LUC7L3: variants seen among roughly 807,000 people sequenced by gnomAD.
LUC7L3 encodes the protein LUC7 like 3 pre-mRNA splicing factor.
A neutral mutation model predicts 66.8 loss-of-function variants in LUC7L3; 6 were observed. The ratio of observed to expected loss-of-function variants is 0.09; its 90% CI spans 0.05 to 0.18. LUC7L3 has a LOEUF of 0.18. Among genes scored for constraint, LUC7L3 ranks in the 10% least tolerant of loss-of-function variants. The probability of loss-of-function intolerance (pLI) is 1.00; values close to 1 mark genes in which losing one functional copy is unlikely to be tolerated. For synonymous variants in LUC7L3, 160 were observed against 174.7 expected, an observed-to-expected ratio of 0.92 and a Z score of 0.66; for missense variants, 341 against 531.1, an observed-to-expected ratio of 0.64 and a Z score of 3.52.
intron 1 of LUC7L3, among the ~76,000 whole-genome samples, chr17:50,734,290 C>T (rs548361784): frequency 2.6e-5 from 4 of 152,148 alleles, no homozygotes; most frequent in Admixed American, 1.3e-4. Flanking sequence ...GCCTCAGCCT[C>T]CCGAGTAGTT....
intron 9 of LUC7L3, 143 bp from the exon 10 acceptor site, chr17:50,750,358 C>A: frequency 1.3e-6 from 1 of 750,450 alleles, no homozygotes; most frequent in Non-Finnish European, 2.2e-6. Context: ...AATTTTATCC[C>A]TTTGGTAAAT....
At chr17:50,746,988 T>C (rs1337552522) in intron 9 of LUC7L3, among the ~76,000 whole-genome samples, 3 of 152,182 alleles carry the variant, frequency 2.0e-5, no homozygotes, top group African/African-American at 7.2e-5. Flanking sequence ...TTCGGGGTTA[T>C]TAGGTGTAGG....
intron 5 of LUC7L3, 78 bp from the exon 6 acceptor site, chr17:50,743,628 C>G (rs564792414): frequency 4.5e-6 from 4 of 886,318 alleles, no homozygotes; most frequent in Admixed American, 4.5e-5. Flanking sequence ...AAAACAACCA[C>G]TAATGAACCA....
At chr17:50,742,562 C>T (rs1349181037) in intron 5 of LUC7L3, among the ~76,000 whole-genome samples, 2 of 152,094 alleles carry the variant, frequency 1.3e-5, no homozygotes, top group African/African-American at 4.8e-5. Flanking sequence ...TTTCACCGTG[C>T]TGGCCAAGCT....
intron 5 of LUC7L3, 85 bp from the exon 6 acceptor site, chr17:50,743,621 A>G: frequency 2.5e-6 from 2 of 806,378 alleles, no homozygotes. Flanking sequence ...AAGATGGAAA[A>G]CAACCACTAA....
At chr17:50,741,844 G>T in intron 5 of LUC7L3, 113 bp downstream of exon 5, 1 of 733,914 alleles carries the variant, frequency 1.4e-6, no homozygotes, top group South Asian at 1.9e-5. Context: ...CAGCACTTTG[G>T]GAGGCCGAGG....
chr17:50,729,896 T>TTTTATATATATA (rs1353844154), intron 1 of LUC7L3, among the ~76,000 whole-genome samples: 8 of 65,586 alleles, frequency 1.2e-4, no homozygotes, highest in African/African-American at 2.5e-4. Flanking sequence ...TATAAATACA[T>TTTTATATATATA]TATATATATA....
chr17:50,749,002 G>C (rs934079152), intron 9 of LUC7L3, among the ~76,000 whole-genome samples: 17 of 152,104 alleles, frequency 1.1e-4, no homozygotes, highest in African/African-American at 3.9e-4. Context: ...TTTATTAATG[G>C]CAAATGAGAA....
intron 1 of LUC7L3, chr17:50,724,242 G>A (rs1289710500): frequency 1.1e-5 from 2 of 186,394 alleles, no homozygotes; most frequent in Non-Finnish European, 1.1e-5. Flanking sequence ...AAACATAGCC[G>A]ACCGGGCATG....
chr17:50,738,437 G>C (rs974133707), intron 2 of LUC7L3, among the ~76,000 whole-genome samples: 2 of 152,162 alleles, frequency 1.3e-5, no homozygotes, highest in African/African-American at 4.8e-5. Context: ...AGTGGAATTG[G>C]AGATAATGGG....
At chr17:50,725,934 TTAAC>T (rs1330771557) in intron 1 of LUC7L3, among the ~76,000 whole-genome samples, 2 of 152,158 alleles carry the variant, frequency 1.3e-5, no homozygotes, top group African/African-American at 4.8e-5. Context: ...CTGCATAAAA[TTAAC>T]TATAGTACAT....
At chr17:50,723,890 C>T (rs1167455718) in intron 1 of LUC7L3, 2 of 440,406 alleles carry the variant, frequency 4.5e-6, no homozygotes, top group East Asian at 7.5e-5. Context: ...CCGCCTCAGT[C>T]TCCCAAAGTG....
rs1055197061 is a variant in LUC7L3 at position 50,751,530 on chromosome 17, AT to A, written c.*877del. 5 of 1,177,544 alleles carry A rather than the reference AT, an allele frequency of 4.2e-6. No individual in the cohort carries two copies. In the South Asian group the frequency reaches 4.8e-5, roughly 11 times the overall value. The allele number at this position is 1,177,544 out of a possible 1,614,324, so 72.9% of individuals were successfully genotyped here. ...ATAAAACAAATGTTAACAGAATGGA[AT>A]TTTTTTTCAACTGTATGTAGGGCTG... On this transcript the variant is annotated 3_prime_UTR_variant, in exon 10 of 10. Coordinates refer to ENST00000505658, the MANE Select transcript of LUC7L3 (RefSeq NM_016424.5).
chr17:50,724,086 C>T (rs566930597), intron 1 of LUC7L3: 218 of 356,922 alleles, frequency 6.1e-4, no homozygotes, highest in African/African-American at 4.5e-3. Context: ...ATTGAACTCC[C>T]CATGTACCCA....
At chr17:50,739,619 A>C (rs12947160) in intron 2 of LUC7L3, among the ~76,000 whole-genome samples, 1 of 151,644 alleles carries the variant, frequency 6.6e-6, no homozygotes, top group African/African-American at 2.4e-5. Context: ...GCGCCGCTGC[A>C]CTCCGGCCTG....
intron 6 of LUC7L3, among the ~76,000 whole-genome samples, chr17:50,744,231 A>T (rs1970525746): frequency 6.6e-6 from 1 of 152,258 alleles, no homozygotes; most frequent in Non-Finnish European, 1.5e-5. Context: ...TATTGATTGC[A>T]GAATGTAATT....
chr17:50,719,951 G>T (rs1306071594), intron 1 of LUC7L3, 120 bp downstream of exon 1: 10 of 848,728 alleles, frequency 1.2e-5, no homozygotes, highest in South Asian at 5.6e-5. Context: ...TCGAGCGTCT[G>T]ACCCGGTGCC....
chr17:50,719,868 G>GC, intron 1 of LUC7L3, 37 bp downstream of exon 1: 1 of 1,567,750 alleles, frequency 6.4e-7, no homozygotes, highest in Non-Finnish European at 8.7e-7. Flanking sequence ...CCCGGGCTCC[G>GC]TGGGGGAGGG....
chr17:50,749,288 A>T, intron 9 of LUC7L3: 1 of 1,289,412 alleles, frequency 7.8e-7, no homozygotes, highest in African/African-American at 1.5e-5. Flanking sequence ...TTCCTCATTG[A>T]AGCTACCTGT....
Sources: gnomAD v4.1 joint callset for allele counts (sites outside exome capture counted in the v4.1 genomes callset) on GRCh38, gnomAD v4.1.1 for gene constraint, MANE v1.5 for transcripts, NCBI Gene and HGNC (gene_info 2026-07-23, HGNC 2026-07-21) for gene names.